PLPPR1: variants seen among roughly 807,000 people sequenced by gnomAD.
PLPPR1 encodes phospholipid phosphatase-related protein type 1.
Under a neutral mutation model 33.1 loss-of-function variants are expected in PLPPR1, and 10 were observed. The ratio of observed to expected loss-of-function variants is 0.30; its 90% CI spans 0.19 to 0.51. The LOEUF (loss-of-function observed/expected upper bound fraction) is 0.51. Ranked by LOEUF, PLPPR1 falls within the 20% of genes least tolerant of loss-of-function variation. The pLI, the probability that PLPPR1 is intolerant of heterozygous loss-of-function variation, is 0.97. For missense variants in PLPPR1, 304 were observed against 408.1 expected (o/e 0.74, Z 2.20); for synonymous variants, 151 against 151.0 (o/e 1.00, Z 0.00).
chr9:101,204,062 A>G (rs1047913048), intron 2 of PLPPR1, among the ~76,000 whole-genome samples: 2 of 152,142 alleles, frequency 1.3e-5, no homozygotes, highest in African/African-American at 4.8e-5. Flanking sequence ...TTCATTTCCC[A>G]TTAGTCTTCA....
At chr9:101,239,060 AGTGTGTGTGTGTGTGTGT>A (rs60620773) in intron 2 of PLPPR1, among the ~76,000 whole-genome samples, 3,492 of 147,524 alleles carry the variant, frequency 0.024, 127 homozygotes, top group African/African-American at 0.083. Flanking sequence ...AATTTCATTG[AGTGTGTGTGTGTGTGTGT>A]GTGTGTGTGT....
chr9:101,038,906 A>T (rs973822532), intron 1 of PLPPR1, among the ~76,000 whole-genome samples: 1 of 152,076 alleles, frequency 6.6e-6, no homozygotes, highest in Non-Finnish European at 1.5e-5. Context: ...GTTAGACAAC[A>T]ATCAGCTGTA....
chr9:101,258,927 T>G (rs1827849066), intron 2 of PLPPR1, among the ~76,000 whole-genome samples: 1 of 152,226 alleles, frequency 6.6e-6, no homozygotes, highest in South Asian at 2.1e-4. Context: ...TTTGTATCAC[T>G]ATACGTTTAA....
intron 4 of PLPPR1, among the ~76,000 whole-genome samples, chr9:101,291,717 C>T (rs371912533): frequency 3.9e-5 from 6 of 152,148 alleles, no homozygotes; most frequent in Non-Finnish European, 5.9e-5. Context: ...CCAACAGACC[C>T]GCAGCTGAGG....
intron 1 of PLPPR1, among the ~76,000 whole-genome samples, chr9:101,118,207 G>GA (rs1831138473): frequency 6.6e-6 from 1 of 152,210 alleles, no homozygotes; most frequent in African/African-American, 2.4e-5. Context: ...AATGTTTCAG[G>GA]ATCTCAGGTG....
intron 1 of PLPPR1, among the ~76,000 whole-genome samples, chr9:101,053,833 A>G (rs1830251854): frequency 6.6e-6 from 1 of 152,186 alleles, no homozygotes; most frequent in African/African-American, 2.4e-5. Context: ...GTAAAAAATT[A>G]GAAGCATATG....
At chr9:101,323,994 C>A (rs1240035381) in intron 7 of PLPPR1, 31 bp from the exon 8 acceptor site, 1 of 1,608,738 alleles carries the variant, frequency 6.2e-7, no homozygotes, top group Admixed American at 1.7e-5. Context: ...AACCCTATCT[C>A]AGATTTTATC....
At chr9:101,206,565 C>G (rs1164530746) in intron 2 of PLPPR1, among the ~76,000 whole-genome samples, 1 of 152,106 alleles carries the variant, frequency 6.6e-6, no homozygotes, top group Non-Finnish European at 1.5e-5. Flanking sequence ...TCTCTTGATC[C>G]ACAGCAAGGG....
intron 4 of PLPPR1, among the ~76,000 whole-genome samples, chr9:101,307,258 C>T (rs975732156): frequency 1.3e-5 from 2 of 152,194 alleles, no homozygotes; most frequent in African/African-American, 2.4e-5. Context: ...CCCAAGGAAC[C>T]TAGAAATCCT....
intron 7 of PLPPR1, among the ~76,000 whole-genome samples, chr9:101,318,649 C>G (rs963188619): frequency 1.3e-5 from 2 of 152,096 alleles, no homozygotes; most frequent in African/African-American, 4.8e-5. Flanking sequence ...TAGCGCATGC[C>G]TGTAGTCCCA....
chr9:101,061,856 C>T (rs1317508278), intron 1 of PLPPR1, among the ~76,000 whole-genome samples: 1 of 151,926 alleles, frequency 6.6e-6, no homozygotes, highest in Admixed American at 6.6e-5. Context: ...ATATGATAAC[C>T]TCTACAGTTC....
intron 2 of PLPPR1, among the ~76,000 whole-genome samples, chr9:101,220,744 A>G (rs1826915216): frequency 1.3e-5 from 2 of 152,208 alleles, no homozygotes; most frequent in African/African-American, 4.8e-5. Flanking sequence ...AAGCTCCAGA[A>G]AAATATTTCA....
At chr9:101,060,309 G>T (rs13288563) in intron 1 of PLPPR1, among the ~76,000 whole-genome samples, 1 of 151,926 alleles carries the variant, frequency 6.6e-6, no homozygotes, top group Non-Finnish European at 1.5e-5. Flanking sequence ...GTTTACCAGA[G>T]GCTAGGAGTA....
chr9:101,149,540 A>G (rs1831558034), intron 1 of PLPPR1, among the ~76,000 whole-genome samples: 1 of 152,192 alleles, frequency 6.6e-6, no homozygotes. Flanking sequence ...GTGGCTAGAC[A>G]ATGAGAATAG....
intron 1 of PLPPR1, among the ~76,000 whole-genome samples, chr9:101,035,656 T>A (rs138692614): frequency 8.8e-4 from 134 of 152,308 alleles, no homozygotes; most frequent in Non-Finnish European, 1.6e-3. Context: ...CCTAACATAG[T>A]GCTTGGCATA....
chr9:101,225,796 A>G (rs1474531134), intron 2 of PLPPR1, among the ~76,000 whole-genome samples: 2 of 142,020 alleles, frequency 1.4e-5, no homozygotes, highest in South Asian at 2.4e-4. Flanking sequence ...CAGATACTAG[A>G]GACAGCGATC....
chr9:101,129,704 G>A (rs565226168), intron 1 of PLPPR1, among the ~76,000 whole-genome samples: 138 of 152,214 alleles, frequency 9.1e-4, no homozygotes, highest in African/African-American at 2.8e-3. Context: ...GGTGGCGGGC[G>A]CCTGTAGTCC....
At chr9:101,289,585 C>T (rs1466976028) in intron 4 of PLPPR1, among the ~76,000 whole-genome samples, 5 of 152,156 alleles carry the variant, frequency 3.3e-5, no homozygotes, top group Admixed American at 3.3e-4. Flanking sequence ...GGGTGGTTCC[C>T]CCATACTGTT....
chr9:101,163,126 A>G (rs183672545), intron 1 of PLPPR1, among the ~76,000 whole-genome samples: 1 of 152,336 alleles, frequency 6.6e-6, no homozygotes. Flanking sequence ...TGATCTTTTT[A>G]TCTGTGTGAA....
Sources: gnomAD v4.1 joint callset for allele counts (sites outside exome capture counted in the v4.1 genomes callset) on GRCh38, gnomAD v4.1.1 for gene constraint, MANE v1.5 for transcripts, NCBI Gene and HGNC (gene_info 2026-07-23, HGNC 2026-07-21) for gene names.